The following AGBL4 variants were observed in gnomAD, a reference collection of about 807,000 sequenced individuals.
The protein encoded by AGBL4 is cytosolic carboxypeptidase 6.
A neutral mutation model predicts 66.4 loss-of-function variants in AGBL4; 58 were observed. That is an observed-to-expected ratio of 0.87 (90% CI 0.71 to 1.09). The LOEUF is 1.09. Ranked by LOEUF, AGBL4 falls within the 50% of genes least tolerant of loss-of-function variation. The probability of loss-of-function intolerance (pLI) is 0.00; values close to 1 mark genes in which losing one functional copy is unlikely to be tolerated. For missense variants in AGBL4, 579 were observed against 631.0 expected, an observed-to-expected ratio of 0.92 and a Z score of 0.88; for synonymous variants, 234 against 222.9, an observed-to-expected ratio of 1.05 and a Z score of -0.44.
chr1:49,848,646 G>C (rs1183924198), intron 2 of AGBL4, among the ~76,000 whole-genome samples: 1 of 152,148 alleles, frequency 6.6e-6, no homozygotes, highest in Non-Finnish European at 1.5e-5. Context: ...ATAGCCCCTT[G>C]AGACTCAGAA....
chr1:49,312,276 CACA>C (rs1374684879), intron 3 of AGBL4, among the ~76,000 whole-genome samples: 2 of 151,990 alleles, frequency 1.3e-5, no homozygotes, highest in Non-Finnish European at 2.9e-5. Flanking sequence ...CATGTGAGGA[CACA>C]ACATTTGTCC....
intron 11 of AGBL4, chr1:48,586,168 T>C (rs1036315834): frequency 6.6e-6 from 1 of 152,224 alleles, no homozygotes; most frequent in African/African-American, 2.4e-5. Flanking sequence ...CTCGGGAAAC[T>C]AGAGTTACTA....
chr1:48,914,511 G>A (rs1251686728), intron 5 of AGBL4, among the ~76,000 whole-genome samples: 1 of 152,110 alleles, frequency 6.6e-6, no homozygotes, highest in Non-Finnish European at 1.5e-5. Flanking sequence ...GGGGACATGG[G>A]GTTAAGAAAG....
intron 11 of AGBL4, among the ~76,000 whole-genome samples, chr1:48,555,184 A>T (rs1160339989): frequency 1.0e-5 from 1 of 99,078 alleles, no homozygotes; most frequent in Non-Finnish European, 2.5e-5. Context: ...AGGGGGTAAG[A>T]TTGTCTTTTT....
chr1:48,997,835 G>A (rs569747676), intron 5 of AGBL4, among the ~76,000 whole-genome samples: 2 of 152,348 alleles, frequency 1.3e-5, no homozygotes, highest in East Asian at 3.9e-4. Context: ...ATTGCCACCA[G>A]TGGTGTATAT....
intron 2 of AGBL4, among the ~76,000 whole-genome samples, chr1:49,792,173 T>G (rs1265234173): frequency 6.6e-6 from 1 of 152,042 alleles, no homozygotes; most frequent in Admixed American, 6.6e-5. Flanking sequence ...AAGAGTATAG[T>G]TTGAGAGAAT....
intron 3 of AGBL4, among the ~76,000 whole-genome samples, chr1:49,356,194 A>T (rs2148527806): frequency 6.6e-6 from 1 of 152,348 alleles, no homozygotes; most frequent in Non-Finnish European, 1.5e-5. Context: ...AACCTATCTT[A>T]TATCACTATG....
intron 2 of AGBL4, among the ~76,000 whole-genome samples, chr1:49,719,643 T>G (rs980126952): frequency 6.6e-6 from 1 of 152,054 alleles, no homozygotes; most frequent in Non-Finnish European, 1.5e-5. Context: ...CATAAAAGAC[T>G]GAAAGTAAGA....
At chr1:49,514,174 A>T (rs1293333902) in intron 3 of AGBL4, among the ~76,000 whole-genome samples, 1 of 151,892 alleles carries the variant, frequency 6.6e-6, no homozygotes, top group African/African-American at 2.4e-5. Context: ...AACAGGGACA[A>T]TTTGACTTCC....
At chr1:49,881,842 G>A (rs929196409) in intron 1 of AGBL4, among the ~76,000 whole-genome samples, 46 of 151,764 alleles carry the variant, frequency 3.0e-4, no homozygotes, top group African/African-American at 8.7e-4. Context: ...TGGGTTGCCT[G>A]TTCACTCTGA....
chr1:49,738,244 A>T (rs908740836), intron 2 of AGBL4, among the ~76,000 whole-genome samples: 4 of 152,232 alleles, frequency 2.6e-5, no homozygotes, highest in African/African-American at 9.6e-5. Context: ...ACTAAATGGC[A>T]CACAAGGAGA....
intron 3 of AGBL4, among the ~76,000 whole-genome samples, chr1:49,440,245 T>A (rs1163556885): frequency 6.6e-6 from 1 of 152,032 alleles, no homozygotes; most frequent in Non-Finnish European, 1.5e-5. Context: ...ATTTTTTGTA[T>A]ATTTAGTAGA....
intron 1 of AGBL4, among the ~76,000 whole-genome samples, chr1:49,872,855 T>G (rs187749073): frequency 2.6e-5 from 4 of 152,194 alleles, no homozygotes; most frequent in Admixed American, 6.5e-5. Context: ...AACTATAGTA[T>G]GCCTGTTATT....
chr1:49,204,785 G>C (rs1647998978), intron 4 of AGBL4, among the ~76,000 whole-genome samples: 1 of 152,042 alleles, frequency 6.6e-6, no homozygotes, highest in Non-Finnish European at 1.5e-5. Context: ...CCTTAACTCT[G>C]AAACCCCTGC....
intron 3 of AGBL4, among the ~76,000 whole-genome samples, chr1:49,295,879 A>G (rs945385622): frequency 1.3e-5 from 2 of 152,142 alleles, no homozygotes; most frequent in Admixed American, 6.6e-5. Context: ...TCTAACTCTG[A>G]AGTGTTCAAG....
At chr1:49,206,679 A>G (rs1648158168) in intron 4 of AGBL4, among the ~76,000 whole-genome samples, 1 of 152,062 alleles carries the variant, frequency 6.6e-6, no homozygotes, top group South Asian at 2.1e-4. Context: ...TGGGCCATAC[A>G]CTGCACCTGC....
chr1:49,556,229 G>A (rs1643893185), intron 3 of AGBL4, among the ~76,000 whole-genome samples: 1 of 152,008 alleles, frequency 6.6e-6, no homozygotes, highest in Non-Finnish European at 1.5e-5. Context: ...GTCCTTTGTA[G>A]GGACATGGAT....
chr1:49,683,851 CTT>C (rs772745810), intron 3 of AGBL4, among the ~76,000 whole-genome samples: 4 of 152,244 alleles, frequency 2.6e-5, no homozygotes, highest in Non-Finnish European at 5.9e-5. Flanking sequence ...AGGATACACA[CTT>C]GATGAAAATT....
At chr1:49,568,030 G>A (rs977720124) in intron 3 of AGBL4, among the ~76,000 whole-genome samples, 1 of 152,040 alleles carries the variant, frequency 6.6e-6, no homozygotes, top group Non-Finnish European at 1.5e-5. Flanking sequence ...GCAAAAGCTG[G>A]ACGAATTCCA....
Sources: gnomAD v4.1 joint callset for allele counts (sites outside exome capture counted in the v4.1 genomes callset) on GRCh38, gnomAD v4.1.1 for gene constraint, MANE v1.5 for transcripts, NCBI Gene and HGNC (gene_info 2026-07-23, HGNC 2026-07-21) for gene names.